The following SYT9 variants were observed in gnomAD, a reference collection of about 807,000 sequenced individuals.
The protein encoded by SYT9 is synaptotagmin-9.
SYT9 carries 22 observed loss-of-function variants against 48.4 expected under a neutral mutation model. The observed-to-expected ratio is 0.45, with a 90% CI of 0.32 to 0.65. The LOEUF is 0.65. Ranked by LOEUF, SYT9 falls within the 30% of genes least tolerant of loss-of-function variation. The pLI, the probability that SYT9 is intolerant of heterozygous loss-of-function variation, is 0.03. For synonymous variants in SYT9, 265 were observed against 245.0 expected, an observed-to-expected ratio of 1.08 and a Z score of -0.76; for missense variants, 577 against 622.0, an observed-to-expected ratio of 0.93 and a Z score of 0.77.
intron 4 of SYT9, among the ~76,000 whole-genome samples, chr11:7,416,903 T>C (rs955391207): frequency 6.6e-6 from 1 of 152,196 alleles, no homozygotes; most frequent in East Asian, 1.9e-4. Flanking sequence ...CCCAGGCTCA[T>C]TGAAGACTGA....
chr11:7,282,232 T>C (rs1294549430), intron 1 of SYT9, among the ~76,000 whole-genome samples: 2 of 152,152 alleles, frequency 1.3e-5, no homozygotes, highest in African/African-American at 4.8e-5. Context: ...AAAATGAAAA[T>C]AAGCAACATT....
At chr11:7,274,317 C>CTTTTT (rs576480483) in intron 1 of SYT9, among the ~76,000 whole-genome samples, 18 of 125,040 alleles carry the variant, frequency 1.4e-4, no homozygotes, top group African/African-American at 4.0e-4. Flanking sequence ...TGAAGTTCAT[C>CTTTTT]TTTTTTTTTT....
At chr11:7,294,315 C>T (rs1253453261) in intron 1 of SYT9, among the ~76,000 whole-genome samples, 3 of 152,198 alleles carry the variant, frequency 2.0e-5, no homozygotes, top group Non-Finnish European at 4.4e-5. Context: ...TTCTTAACTG[C>T]AAACTACATT....
intron 3 of SYT9, among the ~76,000 whole-genome samples, chr11:7,346,613 G>GC (rs1432616087): frequency 2.0e-5 from 3 of 152,176 alleles, no homozygotes; most frequent in African/African-American, 7.2e-5. Context: ...TGGTCTTTTG[G>GC]CGTGTACTGC....
intron 1 of SYT9, among the ~76,000 whole-genome samples, chr11:7,273,735 A>G (rs1385227158): frequency 1.3e-5 from 2 of 152,200 alleles, no homozygotes; most frequent in African/African-American, 4.8e-5. Flanking sequence ...ATTTCATTGA[A>G]TAAAATAAAA....
At chr11:7,422,765 G>A (rs1847378608) in intron 6 of SYT9, among the ~76,000 whole-genome samples, 1 of 152,180 alleles carries the variant, frequency 6.6e-6, no homozygotes, top group Non-Finnish European at 1.5e-5. Context: ...CTGGGCAGGG[G>A]AGTAGTCCTG....
At chr11:7,290,445 C>T (rs1172126775) in intron 1 of SYT9, among the ~76,000 whole-genome samples, 1 of 152,170 alleles carries the variant, frequency 6.6e-6, no homozygotes, top group Non-Finnish European at 1.5e-5. Context: ...AGAACCAATG[C>T]TCCTTCTACT....
chr11:7,256,940 CTT>C (rs1847982711), intron 1 of SYT9, among the ~76,000 whole-genome samples: 1 of 152,094 alleles, frequency 6.6e-6, no homozygotes, highest in African/African-American at 2.4e-5. Context: ...TGGTTTTCAA[CTT>C]TGGCTGCACA....
chr11:7,452,756 T>C (rs532379299), intron 6 of SYT9, among the ~76,000 whole-genome samples: 1 of 152,100 alleles, frequency 6.6e-6, no homozygotes, highest in East Asian at 2.0e-4. Context: ...GTAGAATGCT[T>C]TGGGCTTCTA....
chr11:7,259,271 C>T (rs1043960673), intron 1 of SYT9, among the ~76,000 whole-genome samples: 1 of 152,002 alleles, frequency 6.6e-6, no homozygotes, highest in Non-Finnish European at 1.5e-5. Flanking sequence ...TTATAATTTT[C>T]CCATTGTTAA....
At chr11:7,385,971 A>G (rs1254496095) in intron 3 of SYT9, among the ~76,000 whole-genome samples, 1 of 152,226 alleles carries the variant, frequency 6.6e-6, no homozygotes, top group Non-Finnish European at 1.5e-5. Flanking sequence ...TATCTTCACA[A>G]TATTGAGTCT....
intron 1 of SYT9, among the ~76,000 whole-genome samples, chr11:7,290,288 C>G (rs1006584794): frequency 6.6e-6 from 1 of 152,314 alleles, no homozygotes; most frequent in Admixed American, 6.5e-5. Context: ...CTATTTGGAA[C>G]TATCATCAGG....
intron 6 of SYT9, among the ~76,000 whole-genome samples, chr11:7,466,562 A>G (rs1485176231): frequency 6.6e-6 from 1 of 151,950 alleles, no homozygotes; most frequent in Non-Finnish European, 1.5e-5. Context: ...CTCTACTAAA[A>G]ATACAAAAAT....
At chr11:7,379,693 A>AT (rs1235256294) in intron 3 of SYT9, among the ~76,000 whole-genome samples, 2 of 152,032 alleles carry the variant, frequency 1.3e-5, no homozygotes, top group African/African-American at 4.8e-5. Flanking sequence ...ATTACTCCTT[A>AT]TGTAATCCTG....
At position 7,284,702 on chromosome 11, in the gene SYT9, G is replaced by A. The variant is rs567451581; in HGVS notation, c.146-18337G>A. ...ATTCATCTTTCTCAGCATTTCCTAG[G>A]ACAGTTAATAAAAACAAGATGTCTT... is the stretch of plus-strand genomic sequence containing the variant. On this transcript the variant is annotated intron_variant, in intron 1 of 6. Transcript: ENST00000318881. Among the ~76,000 whole-genome samples the A allele has an allele frequency of 1.8e-3, 275 of 152,170 alleles. 1 individual carries two copies. Among genetic ancestry groups the A allele is most frequent in the African/African-American group, 6.5e-3 (269 of 41,526 alleles).
At chr11:7,311,943 C>T (rs1340360706) in intron 2 of SYT9, among the ~76,000 whole-genome samples, 1 of 152,134 alleles carries the variant, frequency 6.6e-6, no homozygotes, top group African/African-American at 2.4e-5. Flanking sequence ...CTCCCCCGCC[C>T]ACCCACATCA....
intron 6 of SYT9, among the ~76,000 whole-genome samples, chr11:7,465,557 T>C (rs1311874949): frequency 1.3e-5 from 2 of 152,184 alleles, no homozygotes; most frequent in Admixed American, 1.3e-4. Context: ...CTGGGCTGAG[T>C]GTGAAACACA....
At chr11:7,283,943 G>A (rs1379644280) in intron 1 of SYT9, among the ~76,000 whole-genome samples, 1 of 152,142 alleles carries the variant, frequency 6.6e-6, no homozygotes, top group Non-Finnish European at 1.5e-5. Flanking sequence ...ACAGTTTTAT[G>A]CTAATCTCTT....
Position 7,398,177 on chromosome 11 carries a change from T to C in SYT9, c.1045-17865T>C, listed in dbSNP as rs374246133. ...CTGGAGCTTCTATCCTGAATAAATA[T>C]TGACTTTTATCAAATGATCATTTTG... On this transcript the variant is annotated intron_variant, in intron 3 of 6. Transcript: ENST00000318881. Among the ~76,000 whole-genome samples the C allele has an allele frequency of 7.2e-4, 109 of 152,330 alleles. 1 individual carries two copies. The highest frequency in any genetic ancestry group is 3.4e-3 in the Middle Eastern group (1 of 294).
Sources: gnomAD v4.1 joint callset for allele counts (sites outside exome capture counted in the v4.1 genomes callset) on GRCh38, gnomAD v4.1.1 for gene constraint, MANE v1.5 for transcripts, NCBI Gene and HGNC (gene_info 2026-07-23, HGNC 2026-07-21) for gene names.